The following CHFR variants were observed in gnomAD, a reference collection of about 807,000 sequenced individuals.
CHFR encodes the protein checkpoint with forkhead and ring finger domains.
Under a neutral mutation model 87.6 loss-of-function variants are expected in CHFR, and 57 were observed. The ratio of observed to expected loss-of-function variants is 0.65; its 90% CI spans 0.53 to 0.81. The LOEUF is 0.81. Among genes scored for constraint, CHFR ranks in the 30% least tolerant of loss-of-function variants. The pLI is 0.00. For missense variants in CHFR, 797 were observed against 865.8 expected, an observed-to-expected ratio of 0.92 and a Z score of 1.00; for synonymous variants, 381 against 359.2, an observed-to-expected ratio of 1.06 and a Z score of -0.69.
At chr12:132,882,744 T>C (rs961469545) in intron 2 of CHFR, among the ~76,000 whole-genome samples, 44 of 151,858 alleles carry the variant, frequency 2.9e-4, no homozygotes, top group African/African-American at 1.1e-3. Context: ...CTTGCGCTGT[T>C]ACCCCAGCTG....
rs749192848 is a variant in CHFR at position 132,861,582 on chromosome 12, A to C, written c.636T>G (p.Ser212Arg). Reference protein sequence around the residue: ...SPKGSGPSVASDEVSSFASAL... With the variant: ...SPKGSGPSVARDEVSSFASAL... ...CTGAGGCAAAGCTGGAGACTTCATC[A>C]CTTGCCACAGAGGGACCACTTCCTT... is the stretch of plus-strand genomic sequence containing the variant. The change falls in exon 7 of 18, where the codon AGT becomes AGG. Residue 212 changes from serine to arginine, a missense_variant. By Grantham distance (110) the Ser-to-Arg change is moderately radical. This residue lies in a region of CHFR where 597 missense variants were observed against 601.2 expected (regional missense o/e 0.99). Coordinates refer to ENST00000450056, the MANE Select transcript of CHFR (RefSeq NM_001161346.2). 2 of 1,614,188 alleles carry C rather than the reference A, an allele frequency of 1.2e-6. No homozygotes were observed. The highest frequency in any genetic ancestry group is 1.7e-6 in the Non-Finnish European group (2 of 1,180,022).
chr12:132,862,614 G>A (rs1238035718), intron 6 of CHFR, among the ~76,000 whole-genome samples: 1 of 151,324 alleles, frequency 6.6e-6, no homozygotes, highest in Non-Finnish European at 1.5e-5. Flanking sequence ...TTTTTGAGAC[G>A]GACTCTTGCT....
At chr12:132,863,769 C>CA (rs1184225272) in intron 6 of CHFR, among the ~76,000 whole-genome samples, 1 of 151,846 alleles carries the variant, frequency 6.6e-6, no homozygotes, top group Admixed American at 6.6e-5. Context: ...TCACCTCTAT[C>CA]TTTTTTTTGA....
At chr12:132,887,392 A>C in intron 1 of CHFR, 52 bp from the exon 2 acceptor site, 1 of 1,212,246 alleles carries the variant, frequency 8.2e-7, no homozygotes, top group Non-Finnish European at 1.0e-6. Context: ...AGAGGCCGAG[A>C]CTCGGCGCCC....
intron 6 of CHFR, among the ~76,000 whole-genome samples, chr12:132,864,467 TAGA>T (rs5801995): frequency 0.15 from 22,998 of 152,150 alleles, 2,251 homozygotes; most frequent in South Asian, 0.22. Flanking sequence ...GGCATACAGA[TAGA>T]AGAATTTTTA....
Position 132,851,602 on chromosome 12 carries a change from T to C in CHFR, c.1492+16A>G. The C allele has an allele frequency of 6.3e-7, 1 of 1,598,476 alleles. No homozygotes were observed. Among genetic ancestry groups the C allele is most frequent in the Non-Finnish European group, 8.5e-7 (1 of 1,171,578 alleles). On this transcript the variant is annotated intron_variant, in intron 12 of 17. Transcript: ENST00000450056. The stretch of plus-strand genomic sequence containing the variant: ...CAGATAGGAACCCGCCTGCGTGCGG[T>C]GGCGCGGGCACTCACACTGCTGAGG...
At chr12:132,853,308 G>A (rs1593463227) in intron 11 of CHFR, 123 bp downstream of exon 11, 2 of 1,078,818 alleles carry the variant, frequency 1.9e-6, no homozygotes, top group Non-Finnish European at 2.5e-6. Context: ...TGAGGCCAGG[G>A]CCCAAAGGGG....
At chr12:132,856,308 C>T (rs1176951013) in intron 10 of CHFR, among the ~76,000 whole-genome samples, 160 bp downstream of exon 10, 1 of 152,144 alleles carries the variant, frequency 6.6e-6, no homozygotes, top group Admixed American at 6.5e-5. Flanking sequence ...CTAATACTAT[C>T]CAATATCAGA....
intron 6 of CHFR, 25 bp from the exon 7 acceptor site, chr12:132,861,659 G>A: frequency 3.7e-6 from 6 of 1,608,972 alleles, no homozygotes; most frequent in Non-Finnish European, 5.1e-6. Flanking sequence ...AAACAAGATA[G>A]GTGCTGATCC....
In CHFR at chr12:132,883,796, G is replaced by T. The variant is rs576725100; in HGVS notation, c.133+3400C>A. Reference sequence around the variant, plus strand: ...TCCCCCAAATAATGCCTTATAAATGGCAGGCACATCATTGCTTTAAAATAA... The same window carrying T: ...TCCCCCAAATAATGCCTTATAAATGTCAGGCACATCATTGCTTTAAAATAA... On this transcript the variant is annotated intron_variant, in intron 2 of 17. Coordinates refer to ENST00000450056, the MANE Select transcript of CHFR (RefSeq NM_001161346.2). Among the ~76,000 whole-genome samples the T allele has an allele frequency of 3.9e-5, 6 of 152,200 alleles. No individual in the cohort carries two copies. The East Asian group carries it at 1.2e-3, about 29-fold the overall frequency.
At chr12:132,853,396 C>G (rs766543527) in intron 11 of CHFR, 35 bp downstream of exon 11, 4 of 1,471,674 alleles carry the variant, frequency 2.7e-6, no homozygotes, top group Non-Finnish European at 3.6e-6. Context: ...AAGTGACTCA[C>G]GCGAAGGCTG....
At chr12:132,880,224 A>C (rs1347241899) in intron 2 of CHFR, among the ~76,000 whole-genome samples, 1 of 152,228 alleles carries the variant, frequency 6.6e-6, no homozygotes, top group African/African-American at 2.4e-5. Flanking sequence ...AGACAAATGT[A>C]AAATCTAAAA....
chr12:132,856,733 G>A (rs1951078038), intron 9 of CHFR, 103 bp from the exon 10 acceptor site: 1 of 1,314,894 alleles, frequency 7.6e-7, no homozygotes, highest in African/African-American at 1.4e-5. Context: ...GCGGAAGGAG[G>A]GGTCTGGGCG....
intron 2 of CHFR, among the ~76,000 whole-genome samples, chr12:132,880,303 G>A (rs1593532652): frequency 6.6e-6 from 1 of 152,254 alleles, no homozygotes; most frequent in South Asian, 2.1e-4. Flanking sequence ...GGACTTCGCA[G>A]ATAGGATATA....
intron 2 of CHFR, chr12:132,883,081 G>T (rs1185901248): frequency 1.3e-5 from 2 of 152,164 alleles, no homozygotes; most frequent in Non-Finnish European, 2.9e-5. Flanking sequence ...CTTGACGCTT[G>T]GTGGGTTAAA....
rs1236969685 is a variant in CHFR, at chr12:132,840,984, A to G, written c.*570T>C. ...ACCATACTATACCCAATTTTAGTCA[A>G]TTTGTAAATTATAAATTATATTATT... On this transcript the variant is annotated 3_prime_UTR_variant, in exon 18 of 18. Coordinates refer to ENST00000450056, the MANE Select transcript of CHFR (RefSeq NM_001161346.2). 1 of 152,654 alleles carries G rather than the reference A, an allele frequency of 6.6e-6. No individual in the cohort carries two copies. The highest frequency in any genetic ancestry group is 1.5e-5 in the Non-Finnish European group (1 of 68,072). 9.5% of individuals were successfully genotyped at this position (152,654 alleles called of 1,614,324 possible). A position where few individuals can be genotyped will look rare whatever the true frequency, so the allele number is the denominator to read the frequency against.
In CHFR at chr12:132,841,234, G is replaced by T; in HGVS notation, c.*320C>A. 1 of 266,030 alleles carries T rather than the reference G, an allele frequency of 3.8e-6. No homozygotes were observed. The highest frequency in any genetic ancestry group is 7.1e-6 in the Non-Finnish European group (1 of 140,338). The allele number at this position is 266,030 out of a possible 1,614,324, so 16.5% of individuals were successfully genotyped here. A position where few individuals can be genotyped will look rare whatever the true frequency, so the allele number is the denominator to read the frequency against. On this transcript the variant is annotated 3_prime_UTR_variant, in exon 18 of 18. Coordinates refer to ENST00000450056, the MANE Select transcript of CHFR (RefSeq NM_001161346.2). ...AGACTTCTGCTTTAACTGTAGTTTC[G>T]GAAAATGTACAAAAGAGCAAAACTG...
chr12:132,853,699 A>G, intron 10 of CHFR, 126 bp from the exon 11 acceptor site: 2 of 1,202,722 alleles, frequency 1.7e-6, no homozygotes, highest in Non-Finnish European at 2.2e-6. Flanking sequence ...TGTGAGGGGA[A>G]GGGCCGGGCC....
rs72624274 is a variant in CHFR, at chr12:132,837,665, C to T, written c.*3889G>A. The T allele has an allele frequency of 0.15, 22,577 of 152,370 alleles. 2,088 individuals carry two copies. Among genetic ancestry groups the T allele is most frequent in the Admixed American group, 0.21 (3,195 of 15,306 alleles). 9.4% of individuals were successfully genotyped at this position (152,370 alleles called of 1,614,324 possible). ...GCACTAGGCGTTTCTGGAGGTGGCT[C>T]CCCCGAAGATCACCCGGCTCCGTCC... On this transcript the variant is annotated 3_prime_UTR_variant, in exon 18 of 18. Coordinates refer to ENST00000450056, the MANE Select transcript of CHFR (RefSeq NM_001161346.2).
Sources: allele counts gnomAD v4.1 joint callset (sites outside exome capture counted in the v4.1 genomes callset), GRCh38; gene constraint gnomAD v4.1.1; regional missense constraint gnomAD v4.1.1; transcripts MANE v1.5; gene names NCBI Gene and HGNC (gene_info 2026-07-23, HGNC 2026-07-21).